GLMN: variants seen among roughly 807,000 people sequenced by gnomAD.
GLMN encodes the protein glomulin.
In GLMN, 75 loss-of-function variants were observed where a neutral mutation model predicts 87.8. The observed-to-expected ratio is 0.85, with a 90% CI of 0.71 to 1.04. The LOEUF (loss-of-function observed/expected upper bound fraction) is 1.04. GLMN is among the 50% of genes least tolerant of loss of function. The pLI, the probability that GLMN is intolerant of heterozygous loss-of-function variation, is 0.00. For synonymous variants in GLMN, 206 were observed against 221.6 expected, an observed-to-expected ratio of 0.93 and a Z score of 0.63; for missense variants, 588 against 658.8, an observed-to-expected ratio of 0.89 and a Z score of 1.18.
chr1:92,249,046 T>C (rs141460644), intron 16 of GLMN, among the ~76,000 whole-genome samples: 163 of 152,236 alleles, frequency 1.1e-3, no homozygotes, highest in African/African-American at 3.7e-3. Context: ...AGGAGATTCA[T>C]AGTAAATTAT....
intron 6 of GLMN, among the ~76,000 whole-genome samples, chr1:92,288,073 G>T (rs938830691): frequency 6.6e-6 from 1 of 151,312 alleles, no homozygotes; most frequent in Non-Finnish European, 1.5e-5. Context: ...CAAAATCCAG[G>T]GGATATTTTA....
At chr1:92,308,353 C>T in the GLMN span, among the ~76,000 whole-genome samples, 22 of 152,260 alleles carry the variant, frequency 1.4e-4, no homozygotes, top group East Asian at 3.3e-3. Flanking sequence ...TGGCATTGTT[C>T]GACATGACTG....
At chr1:92,328,404 G>A in the GLMN span, among the ~76,000 whole-genome samples, 2 of 152,132 alleles carry the variant, frequency 1.3e-5, no homozygotes, top group Non-Finnish European at 2.9e-5. Context: ...TTGTCTTGAA[G>A]CTCTGAAGTT....
intron 16 of GLMN, among the ~76,000 whole-genome samples, chr1:92,251,431 C>T (rs1183148560): frequency 6.6e-6 from 1 of 152,056 alleles, no homozygotes. Context: ...ACCCATATCT[C>T]ATATCATAAA....
chr1:92,330,521 C>T, the GLMN span, among the ~76,000 whole-genome samples: 175 of 132,620 alleles, frequency 1.3e-3, 1 homozygote, highest in African/African-American at 4.7e-3. Context: ...CATCTTGGCT[C>T]ACTGCAAACT....
At chr1:92,272,981 C>T (rs1265297569) in intron 7 of GLMN, among the ~76,000 whole-genome samples, 2 of 152,042 alleles carry the variant, frequency 1.3e-5, no homozygotes, top group African/African-American at 4.8e-5. Context: ...ACAAAAAAAG[C>T]GTAAGAAAGT....
At chr1:92,345,846 G>A in the GLMN span, 1 of 1,569,638 alleles carries the variant, frequency 6.4e-7, no homozygotes, top group Non-Finnish European at 8.7e-7. Context: ...TATCTTTCAG[G>A]TTAACAAATA....
the GLMN span, among the ~76,000 whole-genome samples, chr1:92,348,421 T>G: frequency 6.6e-6 from 1 of 152,154 alleles, no homozygotes; most frequent in Admixed American, 6.5e-5. Context: ...GTTTCCTAGG[T>G]TTTTGCCTTT....
chr1:92,304,337 T>TA, the GLMN span: 1 of 1,518,268 alleles, frequency 6.6e-7, no homozygotes, highest in South Asian at 1.2e-5. Flanking sequence ...TCTATGATAT[T>TA]ACTGAAAGAA....
At chr1:92,358,644 G>C in the GLMN span, among the ~76,000 whole-genome samples, 9 of 152,022 alleles carry the variant, frequency 5.9e-5, no homozygotes, top group African/African-American at 2.2e-4. Context: ...CTAAAGTGCA[G>C]TGGCACAGTC....
the GLMN span, among the ~76,000 whole-genome samples, chr1:92,332,579 A>T: frequency 6.6e-6 from 1 of 152,120 alleles, no homozygotes; most frequent in Non-Finnish European, 1.5e-5. Context: ...TGCTTCTGAC[A>T]TGATTTGTAG....
chr1:92,327,980 A>G, the GLMN span, among the ~76,000 whole-genome samples: 1 of 152,126 alleles, frequency 6.6e-6, no homozygotes, highest in Non-Finnish European at 1.5e-5. Flanking sequence ...TAAAGATAGG[A>G]CTCCAATGTC....
At chr1:92,264,772 GC>G in intron 13 of GLMN, 134 bp from the exon 14 acceptor site, 1 of 678,148 alleles carries the variant, frequency 1.5e-6, no homozygotes, top group Non-Finnish European at 2.7e-6. Context: ...ATGGTAATTA[GC>G]AAGGTCATCA....
chr1:92,297,217 G>A (rs1650190734), intron 3 of GLMN, among the ~76,000 whole-genome samples, 187 bp downstream of exon 3: 1 of 149,064 alleles, frequency 6.7e-6, no homozygotes, highest in African/African-American at 2.5e-5. Flanking sequence ...CTCCCATAAC[G>A]CTGTGATTAC....
At chr1:92,279,934 T>C (rs1456319307) in intron 7 of GLMN, among the ~76,000 whole-genome samples, 1 of 152,176 alleles carries the variant, frequency 6.6e-6, no homozygotes, top group African/African-American at 2.4e-5. Context: ...CTTGAGTAGC[T>C]CACAGTGTAA....
chr1:92,291,322 G>T, intron 4 of GLMN, 96 bp downstream of exon 4: 1 of 1,135,660 alleles, frequency 8.8e-7, no homozygotes, highest in Non-Finnish European at 1.3e-6. Context: ...GTACTTTCAT[G>T]AACCAAAAGC....
chr1:92,339,067 G>A, the GLMN span, among the ~76,000 whole-genome samples: 2 of 152,124 alleles, frequency 1.3e-5, no homozygotes, highest in Non-Finnish European at 2.9e-5. Flanking sequence ...TCTAGCTTAT[G>A]TAGAATAGGT....
At chr1:92,301,993 A>G (rs191169360), upstream of GLMN, among the ~76,000 whole-genome samples, 2 of 152,220 alleles carry the variant, frequency 1.3e-5, no homozygotes, top group Admixed American at 1.3e-4. Flanking sequence ...GTCAATTAAA[A>G]AGCAAAAGAG....
At chr1:92,335,741 A>G in the GLMN span, among the ~76,000 whole-genome samples, 1 of 152,188 alleles carries the variant, frequency 6.6e-6, no homozygotes, top group African/African-American at 2.4e-5. Context: ...GTCTTATTCT[A>G]TTAAATGGGT....
Sources: allele counts gnomAD v4.1 joint callset (sites outside exome capture counted in the v4.1 genomes callset), GRCh38; gene constraint gnomAD v4.1.1; transcripts MANE v1.5; gene names NCBI Gene and HGNC (gene_info 2026-07-23, HGNC 2026-07-21).